SPATA6: variants seen among roughly 807,000 people sequenced by gnomAD.
SPATA6 encodes the protein spermatogenesis-associated protein 6.
A neutral mutation model predicts 65.3 loss-of-function variants in SPATA6; 56 were observed. The observed-to-expected ratio is 0.86, with a 90% CI of 0.69 to 1.07. SPATA6 has a LOEUF of 1.07. Ranked by LOEUF, SPATA6 falls within the 50% of genes least tolerant of loss-of-function variation. The pLI is 0.00. For missense variants in SPATA6, 590 were observed against 594.8 expected (o/e 0.99, Z 0.08); for synonymous variants, 199 against 213.2 (o/e 0.93, Z 0.58).
chr1:48,367,901 T>C (rs1647081290), intron 9 of SPATA6, among the ~76,000 whole-genome samples: 1 of 152,242 alleles, frequency 6.6e-6, no homozygotes, highest in Non-Finnish European at 1.5e-5. Flanking sequence ...TCATGATCTT[T>C]ATAATTTGGC....
chr1:48,277,164 C>T, the SPATA6 span, among the ~76,000 whole-genome samples: 4 of 137,498 alleles, frequency 2.9e-5, no homozygotes, highest in South Asian at 2.2e-4. Flanking sequence ...AGCTTAGTTT[C>T]GCTGTATATG....
chr1:48,453,077 A>G lies in SPATA6; in HGVS notation c.106T>C (p.Cys36Arg). Residue 36 changes from cysteine (C) to arginine (R), a missense_variant, in exon 2 of 13, where the codon TGT (cysteine) becomes CGT (arginine). Cys to Arg is a radical substitution (Grantham distance 180). Transcript: ENST00000371847. ...KDKEDIYLSI[C>R]VFGQYKKTQC... is the part of the protein sequence containing the mutation. ...GTCTTTTTGTATTGGCCAAACACAC[A>G]GATGCTAAGATAGATGTCCTCTTTG... The G allele has an allele frequency of 1.2e-6, 2 of 1,613,958 alleles. No individual in the cohort carries two copies. Among genetic ancestry groups the G allele is most frequent in the Non-Finnish European group, 1.7e-6 (2 of 1,179,956 alleles).
chr1:48,307,321 T>A (rs1025848332), intron 11 of SPATA6, among the ~76,000 whole-genome samples: 1 of 149,376 alleles, frequency 6.7e-6, no homozygotes, highest in African/African-American at 2.4e-5. Context: ...TCCTTTCAAA[T>A]TTTCAGACTA....
At chr1:48,350,993 A>G (rs937320236) in intron 11 of SPATA6, among the ~76,000 whole-genome samples, 1 of 151,940 alleles carries the variant, frequency 6.6e-6, no homozygotes, top group African/African-American at 2.4e-5. Flanking sequence ...CATGAACATG[A>G]TATGTCAACT....
chr1:48,443,133 C>T (rs1162368969), intron 3 of SPATA6, among the ~76,000 whole-genome samples: 1 of 152,186 alleles, frequency 6.6e-6, no homozygotes, highest in Non-Finnish European at 1.5e-5. Context: ...TGGCACTCAG[C>T]CAAACCTTAA....
chr1:48,378,903 C>A (rs1648230852), intron 9 of SPATA6, among the ~76,000 whole-genome samples: 1 of 152,116 alleles, frequency 6.6e-6, no homozygotes, highest in Non-Finnish European at 1.5e-5. Flanking sequence ...CAATGGTATA[C>A]TATTCAGCCT....
chr1:48,459,731 A>G (rs1223034987), intron 1 of SPATA6, among the ~76,000 whole-genome samples: 1 of 152,212 alleles, frequency 6.6e-6, no homozygotes, highest in African/African-American at 2.4e-5. Flanking sequence ...CTCAATCAAC[A>G]TAAAAGGACA....
chr1:48,306,615 A>G (rs2148656119), intron 11 of SPATA6, among the ~76,000 whole-genome samples: 1 of 152,146 alleles, frequency 6.6e-6, no homozygotes, highest in African/African-American at 2.4e-5. Flanking sequence ...TCAAACAAGA[A>G]GAGAAATAAA....
chr1:48,273,973 T>C, the SPATA6 span, among the ~76,000 whole-genome samples: 1 of 152,214 alleles, frequency 6.6e-6, no homozygotes, highest in South Asian at 2.1e-4. Context: ...TGTAAAAGCA[T>C]TCCTATTTCT....
chr1:48,332,939 T>A (rs1394410913), intron 11 of SPATA6, among the ~76,000 whole-genome samples: 1 of 152,050 alleles, frequency 6.6e-6, no homozygotes, highest in Non-Finnish European at 1.5e-5. Context: ...AACCATACAA[T>A]TACATGGAAA....
intron 11 of SPATA6, among the ~76,000 whole-genome samples, chr1:48,348,565 T>C (rs1469115968): frequency 2.0e-5 from 3 of 151,912 alleles, no homozygotes; most frequent in East Asian, 1.9e-4. Flanking sequence ...TCTTGTACTT[T>C]CCCTACCCCA....
intron 12 of SPATA6, 123 bp from the exon 13 acceptor site, chr1:48,299,016 AT>A: frequency 1.0e-6 from 1 of 965,692 alleles, no homozygotes; most frequent in Non-Finnish European, 1.5e-6. Context: ...GCTGTGAAAA[AT>A]AAAACAGAGT....
chr1:48,349,012 T>C (rs973029185), intron 11 of SPATA6, among the ~76,000 whole-genome samples: 1 of 152,020 alleles, frequency 6.6e-6, no homozygotes, highest in Non-Finnish European at 1.5e-5. Context: ...ATTTATCTAC[T>C]ACAGCAGGGG....
chr1:48,339,603 C>A (rs953058900), intron 11 of SPATA6, among the ~76,000 whole-genome samples: 1 of 151,700 alleles, frequency 6.6e-6, no homozygotes, highest in Non-Finnish European at 1.5e-5. Context: ...CATTTTAGAT[C>A]TAAAAAATAT....
At chr1:48,424,763 T>A (rs1389288949) in intron 3 of SPATA6, among the ~76,000 whole-genome samples, 1 of 152,226 alleles carries the variant, frequency 6.6e-6, no homozygotes, top group Non-Finnish European at 1.5e-5. Flanking sequence ...CATTTTCATA[T>A]GCCAGTCTGC....
chr1:48,335,090 T>G (rs150223814), intron 11 of SPATA6, among the ~76,000 whole-genome samples: 91 of 151,862 alleles, frequency 6.0e-4, no homozygotes, highest in African/African-American at 2.0e-3. Flanking sequence ...AGGTGAAATA[T>G]CTCTAGAATG....
At chr1:48,263,077 T>G in the SPATA6 span, 1 of 152,118 alleles carries the variant, frequency 6.6e-6, no homozygotes. Context: ...TCCAGGCACC[T>G]AGCAGATGAA....
chr1:48,288,181 G>A, the SPATA6 span, among the ~76,000 whole-genome samples: 1 of 152,106 alleles, frequency 6.6e-6, no homozygotes, highest in Non-Finnish European at 1.5e-5. Flanking sequence ...TCCTTGTAAT[G>A]TGCCATTGAA....
At chr1:48,368,741 T>C (rs868216690) in intron 9 of SPATA6, among the ~76,000 whole-genome samples, 1 of 152,206 alleles carries the variant, frequency 6.6e-6, no homozygotes, top group South Asian at 2.1e-4. Context: ...TTGGTTTGAA[T>C]TTCCTCCTGT....
Sources: gnomAD v4.1 joint callset for allele counts (sites outside exome capture counted in the v4.1 genomes callset) on GRCh38, gnomAD v4.1.1 for gene constraint, MANE v1.5 for transcripts, NCBI Gene and HGNC (gene_info 2026-07-23, HGNC 2026-07-21) for gene names.